NXPH1: variants seen among roughly 807,000 people sequenced by gnomAD.
The protein encoded by NXPH1 is neurexophilin-1.
NXPH1 carries 5 observed loss-of-function variants against 23.7 expected under a neutral mutation model. The observed-to-expected ratio is 0.21, with a 90% CI of 0.11 to 0.44. The LOEUF is 0.44. NXPH1 is among the 20% of genes least tolerant of loss of function. The pLI is 0.99. For synonymous variants in NXPH1, 144 were observed against 122.2 expected (o/e 1.18, Z -1.18); for missense variants, 324 against 321.6 (o/e 1.01, Z -0.06).
intron 2 of NXPH1, among the ~76,000 whole-genome samples, chr7:8,627,355 A>G (rs1054739189): frequency 2.1e-4 from 32 of 152,146 alleles, no homozygotes; most frequent in African/African-American, 7.7e-4. Flanking sequence ...ATGGGAGGAG[A>G]AAAGAACTCA....
chr7:8,724,234 AG>A (rs1415116303), intron 2 of NXPH1, among the ~76,000 whole-genome samples: 1 of 152,196 alleles, frequency 6.6e-6, no homozygotes, highest in Non-Finnish European at 1.5e-5. Context: ...TGGGACCCTT[AG>A]TGACACAATC....
chr7:8,560,985 GC>G (rs925232102), intron 2 of NXPH1, among the ~76,000 whole-genome samples: 1 of 151,536 alleles, frequency 6.6e-6, no homozygotes, highest in African/African-American at 2.4e-5. Flanking sequence ...TAGGAAACAA[GC>G]CCCTCTGGAT....
intron 2 of NXPH1, among the ~76,000 whole-genome samples, chr7:8,497,054 C>A (rs879345058): frequency 2.6e-5 from 4 of 152,000 alleles, no homozygotes; most frequent in Admixed American, 6.6e-5. Flanking sequence ...ATGTTCCCCA[C>A]CCTGTGTCCG....
intron 2 of NXPH1, among the ~76,000 whole-genome samples, chr7:8,742,969 G>A (rs1780392399): frequency 6.6e-6 from 1 of 152,116 alleles, no homozygotes; most frequent in Admixed American, 6.5e-5. Flanking sequence ...GTGCGTGTGT[G>A]CGTGTGTGTG....
intron 2 of NXPH1, among the ~76,000 whole-genome samples, chr7:8,737,994 T>C (rs1780291443): frequency 6.6e-6 from 1 of 152,242 alleles, no homozygotes; most frequent in Non-Finnish European, 1.5e-5. Context: ...AGGTCATTTA[T>C]GTTCTTCTCT....
intron 2 of NXPH1, among the ~76,000 whole-genome samples, chr7:8,443,035 T>G (rs1277914589): frequency 6.6e-6 from 1 of 152,036 alleles, no homozygotes; most frequent in Non-Finnish European, 1.5e-5. Flanking sequence ...AGGGCCTGCC[T>G]CCCCCGCTGC....
chr7:8,476,231 C>T (rs933465989), intron 2 of NXPH1, among the ~76,000 whole-genome samples: 1 of 152,124 alleles, frequency 6.6e-6, no homozygotes, highest in African/African-American at 2.4e-5. Flanking sequence ...CTGGCCTGTT[C>T]TTGGCAACAC....
chr7:8,592,999 T>C (rs1819133385), intron 2 of NXPH1, among the ~76,000 whole-genome samples: 1 of 151,954 alleles, frequency 6.6e-6, no homozygotes, highest in African/African-American at 2.4e-5. Context: ...CTGGAGTCAC[T>C]GGGAAGTTGT....
At chr7:8,625,611 T>C (rs1469277323) in intron 2 of NXPH1, among the ~76,000 whole-genome samples, 1 of 152,140 alleles carries the variant, frequency 6.6e-6, no homozygotes, top group African/African-American at 2.4e-5. Context: ...AGTGTTCCAT[T>C]AGAAATCTAC....
At chr7:8,738,316 T>C (rs1453425612) in intron 2 of NXPH1, among the ~76,000 whole-genome samples, 1 of 152,228 alleles carries the variant, frequency 6.6e-6, no homozygotes, top group African/African-American at 2.4e-5. Context: ...TCTGTGTGGA[T>C]GTCCTTTTTG....
intron 2 of NXPH1, among the ~76,000 whole-genome samples, chr7:8,722,678 A>G (rs1779988603): frequency 1.3e-5 from 2 of 152,212 alleles, no homozygotes; most frequent in Admixed American, 1.3e-4. Context: ...CAGAGCTTTG[A>G]AGCTTTAAAA....
At chr7:8,586,042 G>C (rs1818973927) in intron 2 of NXPH1, among the ~76,000 whole-genome samples, 2 of 152,154 alleles carry the variant, frequency 1.3e-5, no homozygotes, top group South Asian at 4.1e-4. Context: ...GGAGAGGTTT[G>C]CAATACAGTT....
intron 2 of NXPH1, among the ~76,000 whole-genome samples, chr7:8,509,454 T>C (rs977509857): frequency 6.6e-6 from 1 of 152,144 alleles, no homozygotes; most frequent in African/African-American, 2.4e-5. Context: ...CTATTCTCTT[T>C]ATTTCTTTCT....
At chr7:8,489,048 A>C (rs1010452858) in intron 2 of NXPH1, among the ~76,000 whole-genome samples, 5 of 152,134 alleles carry the variant, frequency 3.3e-5, no homozygotes, top group Non-Finnish European at 7.4e-5. Flanking sequence ...TGCATTTGCA[A>C]ATCATCACGT....
chr7:8,452,861 T>C (rs776570648), intron 2 of NXPH1, among the ~76,000 whole-genome samples: 7 of 152,110 alleles, frequency 4.6e-5, no homozygotes, highest in Non-Finnish European at 7.4e-5. Context: ...TTTTTGTAAA[T>C]ATATTGGCAA....
At chr7:8,624,713 A>G (rs1819950525) in intron 2 of NXPH1, among the ~76,000 whole-genome samples, 1 of 152,182 alleles carries the variant, frequency 6.6e-6, no homozygotes, top group African/African-American at 2.4e-5. Flanking sequence ...AGACAATTGC[A>G]GAGTGAATGA....
At chr7:8,505,160 A>T (rs1397743361) in intron 2 of NXPH1, among the ~76,000 whole-genome samples, 1 of 151,970 alleles carries the variant, frequency 6.6e-6, no homozygotes, top group African/African-American at 2.4e-5. Flanking sequence ...TTTTCCTCAT[A>T]TTAAGTGAAT....
At chr7:8,468,190 T>C (rs909828622) in intron 2 of NXPH1, among the ~76,000 whole-genome samples, 3 of 152,228 alleles carry the variant, frequency 2.0e-5, no homozygotes, top group African/African-American at 7.2e-5. Context: ...ATATGAGATA[T>C]TCTATAAAGA....
At chr7:8,437,857 A>G (rs1563310040) in intron 2 of NXPH1, among the ~76,000 whole-genome samples, 1 of 152,264 alleles carries the variant, frequency 6.6e-6, no homozygotes, top group Non-Finnish European at 1.5e-5. Flanking sequence ...CAGAGAAAGG[A>G]GACAATTTTT....
Sources: gnomAD v4.1 joint callset for allele counts (sites outside exome capture counted in the v4.1 genomes callset) on GRCh38, gnomAD v4.1.1 for gene constraint, MANE v1.5 for transcripts, NCBI Gene and HGNC (gene_info 2026-07-23, HGNC 2026-07-21) for gene names.